Variants in ERBB4 observed in about 807,000 individuals in gnomAD.
The protein encoded by ERBB4 is receptor tyrosine-protein kinase erbB-4.
A neutral mutation model predicts 158.0 loss-of-function variants in ERBB4; 42 were observed. That is an observed-to-expected ratio of 0.27 (90% CI 0.21 to 0.34). The LOEUF (loss-of-function observed/expected upper bound fraction) is 0.34, where lower values mean the gene tolerates loss of function less well. Ranked by LOEUF, ERBB4 falls within the 10% of genes least tolerant of loss-of-function variation. ERBB4 has a pLI of 1.00. For synonymous variants in ERBB4, 583 were observed against 558.7 expected (o/e 1.04, Z -0.61); for missense variants, 1,333 against 1,624.1 (o/e 0.82, Z 3.08).
At chr2:211,559,311 T>A (rs563339004) in intron 20 of ERBB4, among the ~76,000 whole-genome samples, 1 of 152,208 alleles carries the variant, frequency 6.6e-6, no homozygotes, top group Non-Finnish European at 1.5e-5. Flanking sequence ...GACTGCATGA[T>A]CTATTTAGAA....
intron 20 of ERBB4, among the ~76,000 whole-genome samples, chr2:211,436,010 G>A (rs143955880): frequency 0.02 from 2,994 of 152,058 alleles, 42 homozygotes; most frequent in Non-Finnish European, 0.03. Context: ...AGGCTGGAGT[G>A]CAGTGGCATG....
intron 2 of ERBB4, among the ~76,000 whole-genome samples, chr2:212,064,641 A>C (rs1161665715): frequency 6.6e-6 from 1 of 152,122 alleles, no homozygotes; most frequent in Non-Finnish European, 1.5e-5. Flanking sequence ...AAAGAGGTAC[A>C]GTCAAATAAA....
At position 211,609,531 on chromosome 2, in the gene ERBB4, T is replaced by C. The variant is rs1450980411; in HGVS notation, c.2301+9646A>G. 3.9e-5 allele frequency among the ~76,000 whole-genome samples: 6 copies of C among 152,284 alleles called. No homozygotes were observed. The East Asian group carries it at 9.7e-4, about 25-fold the overall frequency. The stretch of plus-strand genomic sequence containing the variant: ...CTTTGGGTCTTCATTAAATACATTT[T>C]AAAGTCTTTTAATTAGGCATTTTTC... On this transcript the variant is annotated intron_variant, in intron 19 of 27. Transcript: ENST00000342788.
chr2:211,456,269 A>T (rs2064379120), intron 20 of ERBB4, among the ~76,000 whole-genome samples: 1 of 152,180 alleles, frequency 6.6e-6, no homozygotes. Flanking sequence ...TTGTTTTATT[A>T]TTCTATGTCT....
intron 3 of ERBB4, among the ~76,000 whole-genome samples, chr2:211,793,110 T>C (rs1253866053): frequency 6.6e-6 from 1 of 151,908 alleles, no homozygotes; most frequent in Non-Finnish European, 1.5e-5. Context: ...ATGGACCCCA[T>C]GCACAATTTG....
At chr2:212,293,869 A>AAAAAAAAAT (rs2086309341) in intron 1 of ERBB4, among the ~76,000 whole-genome samples, 1 of 149,974 alleles carries the variant, frequency 6.7e-6, no homozygotes, top group Non-Finnish European at 1.5e-5. Context: ...CAAAAAAAAA[A>AAAAAAAAAT]AAAACATACA....
At position 211,673,517 on chromosome 2, in the gene ERBB4, C is replaced by CTAAAAAAAAAAAAAAAAAAAAAAAAAAA. The variant is rs2071927278; in HGVS notation, c.1623-261_1623-260insTTTTTTTTTTTTTTTTTTTTTTTTTTTA. 3.7e-5 allele frequency among the ~76,000 whole-genome samples: 2 copies of CTAAAAAAAAAAAAAAAAAAAAAAAAAAA among 54,090 alleles called. 1 individual carries two copies. The highest frequency in any genetic ancestry group is 8.2e-5 in the Non-Finnish European group (2 of 24,426). The allele number at this position is 54,090 out of a possible 152,430, so 35.5% of individuals were successfully genotyped here. On this transcript the variant is annotated intron_variant, in intron 13 of 27. Transcript: ENST00000342788. The stretch of plus-strand genomic sequence containing the variant: ...CCTGCAAGACATATTCCAGCAATCT[C>CTAAAAAAAAAAAAAAAAAAAAAAAAAAA]AAAAAAAAAAAAAGCTACAAAGTAT...
chr2:211,947,623 A>C lies in ERBB4; in HGVS notation c.235-7T>G, dbSNP rs1258616106. ...CTGTGACTTCTCGAACAGACTGAAA[A>C]GACACAAACAGTTGCCTGTGTTATA... On this transcript the variant is annotated splice_region_variant and splice_polypyrimidine_tract_variant and intron_variant, in intron 2 of 27. Transcript: ENST00000342788. 1 of 1,612,288 alleles carries C rather than the reference A, an allele frequency of 6.2e-7. No individual in the cohort carries two copies. The highest frequency in any genetic ancestry group is 1.7e-5 in the Admixed American group (1 of 59,824).
intron 25 of ERBB4, among the ~76,000 whole-genome samples, chr2:211,390,859 C>T (rs1315800972): frequency 1.3e-5 from 2 of 152,194 alleles, no homozygotes; most frequent in East Asian, 1.9e-4. Flanking sequence ...TAAGCAAAAC[C>T]CCTTTAGCAT....
chr2:211,978,362 G>GAGTC (rs1248988138), intron 2 of ERBB4, among the ~76,000 whole-genome samples: 16 of 111,852 alleles, frequency 1.4e-4, no homozygotes, highest in African/African-American at 4.0e-4. Context: ...AAAGGAGTCT[G>GAGTC]AGTCTGTCTG....
At chr2:211,905,681 T>TATATATACACAC (rs1480195605) in intron 3 of ERBB4, among the ~76,000 whole-genome samples, 5 of 110,668 alleles carry the variant, frequency 4.5e-5, no homozygotes, top group South Asian at 2.6e-4. Flanking sequence ...TATATATATA[T>TATATATACACAC]ACACACATAT....
intron 19 of ERBB4, among the ~76,000 whole-genome samples, chr2:211,563,134 A>C (rs575876081): frequency 6.6e-6 from 1 of 152,216 alleles, no homozygotes; most frequent in Non-Finnish European, 1.5e-5. Context: ...AAAAGTGGAC[A>C]TATGATGGTT....
intron 25 of ERBB4, among the ~76,000 whole-genome samples, chr2:211,409,153 T>G (rs1327490291): frequency 6.6e-6 from 1 of 152,100 alleles, no homozygotes. Flanking sequence ...TATTGAAGAT[T>G]ATTATATATA....
At chr2:211,614,929 C>G (rs1229604851) in intron 19 of ERBB4, among the ~76,000 whole-genome samples, 1 of 151,966 alleles carries the variant, frequency 6.6e-6, no homozygotes, top group Non-Finnish European at 1.5e-5. Flanking sequence ...GAAAAACAAG[C>G]TATTCTTTTT....
At position 211,934,095 on chromosome 2, in the gene ERBB4, C is replaced by T. The variant is rs138479438; in HGVS notation, c.421+13335G>A. On this transcript the variant is annotated intron_variant, in intron 3 of 27. Transcript: ENST00000342788. Reference sequence around the variant, plus strand: ...CCTCCATCTTTTTATCAAAAGTAACCCCGAATATGTTACTATTCTTCACAA... The same window carrying T: ...CCTCCATCTTTTTATCAAAAGTAACTCCGAATATGTTACTATTCTTCACAA... 3.3e-3 allele frequency among the ~76,000 whole-genome samples: 496 copies of T among 151,864 alleles called. 4 individuals carry two copies. Among genetic ancestry groups the T allele is most frequent in the African/African-American group, 0.011 (468 of 41,446 alleles).
At chr2:211,532,154 G>C (rs530471719) in intron 20 of ERBB4, among the ~76,000 whole-genome samples, 1 of 151,754 alleles carries the variant, frequency 6.6e-6, no homozygotes, top group Non-Finnish European at 1.5e-5. Flanking sequence ...AGGGTTGTGG[G>C]GGGGGAAAGT....
intron 20 of ERBB4, among the ~76,000 whole-genome samples, chr2:211,452,274 T>G (rs1486667171): frequency 6.6e-6 from 1 of 151,750 alleles, no homozygotes; most frequent in Non-Finnish European, 1.5e-5. Context: ...GCCTCCCGGG[T>G]TCAAGCGATT....
At chr2:211,596,872 CT>C (rs2068648763) in intron 19 of ERBB4, among the ~76,000 whole-genome samples, 1 of 152,032 alleles carries the variant, frequency 6.6e-6, no homozygotes, top group East Asian at 1.9e-4. Flanking sequence ...TCAAGTGATT[CT>C]CCTGTCTCAG....
intron 25 of ERBB4, among the ~76,000 whole-genome samples, chr2:211,411,501 G>A (rs2063261866): frequency 6.6e-6 from 1 of 152,172 alleles, no homozygotes; most frequent in Non-Finnish European, 1.5e-5. Context: ...TACATAAGGA[G>A]AGGAGCTCTT....
Sources: allele counts gnomAD v4.1 joint callset (sites outside exome capture counted in the v4.1 genomes callset), GRCh38; gene constraint gnomAD v4.1.1; transcripts MANE v1.5; gene names NCBI Gene and HGNC (gene_info 2026-07-23, HGNC 2026-07-21).